NPAS3: variants seen among roughly 807,000 people sequenced by gnomAD.
NPAS3 encodes the protein neuronal PAS domain protein 3.
NPAS3 carries 14 observed loss-of-function variants against 73.1 expected under a neutral mutation model. The observed-to-expected ratio is 0.19, with a 90% CI of 0.13 to 0.30. The LOEUF (loss-of-function observed/expected upper bound fraction) is 0.30. Ranked by LOEUF, NPAS3 falls within the 10% of genes least tolerant of loss-of-function variation. The pLI is 1.00. For synonymous variants in NPAS3, 620 were observed against 541.5 expected (o/e 1.14, Z -2.01); for missense variants, 1,096 against 1,250.0 (o/e 0.88, Z 1.86).
intron 2 of NPAS3, among the ~76,000 whole-genome samples, chr14:33,091,439 G>A (rs1463017754): frequency 6.6e-6 from 1 of 152,138 alleles, no homozygotes; most frequent in African/African-American, 2.4e-5. Flanking sequence ...GACTAAACCA[G>A]GAAGAAGTTG....
At chr14:33,774,800 G>A (rs948822656) in intron 8 of NPAS3, among the ~76,000 whole-genome samples, 3 of 152,172 alleles carry the variant, frequency 2.0e-5, no homozygotes, top group African/African-American at 7.2e-5. Flanking sequence ...GAGAACCCAA[G>A]GAGAGAGCAG....
chr14:33,299,787 T>G (rs2042454663), intron 3 of NPAS3, among the ~76,000 whole-genome samples: 1 of 152,176 alleles, frequency 6.6e-6, no homozygotes, highest in Admixed American at 6.5e-5. Flanking sequence ...GAAATAACAT[T>G]AAGGTTTAGA....
At chr14:33,722,431 T>TC (rs1198880326) in intron 6 of NPAS3, among the ~76,000 whole-genome samples, 1 of 152,166 alleles carries the variant, frequency 6.6e-6, no homozygotes, top group Non-Finnish European at 1.5e-5. Flanking sequence ...TGCTTTTTTA[T>TC]CCCCTCCACT....
At chr14:33,625,538 T>G (rs558227142) in intron 5 of NPAS3, among the ~76,000 whole-genome samples, 1 of 152,198 alleles carries the variant, frequency 6.6e-6, no homozygotes, top group Admixed American at 6.5e-5. Flanking sequence ...AACAACTATA[T>G]GCAGTAGAGG....
At chr14:33,307,279 C>T (rs1259439331) in intron 3 of NPAS3, among the ~76,000 whole-genome samples, 1 of 152,114 alleles carries the variant, frequency 6.6e-6, no homozygotes, top group African/African-American at 2.4e-5. Context: ...TAACATTTGT[C>T]CTCTTTGCCA....
At chr14:33,108,081 T>C (rs935145227) in intron 2 of NPAS3, among the ~76,000 whole-genome samples, 1 of 152,170 alleles carries the variant, frequency 6.6e-6, no homozygotes, top group African/African-American at 2.4e-5. Flanking sequence ...GCTACTAGTT[T>C]TGTGTTACTG....
At chr14:33,071,348 C>T (rs573678185) in intron 2 of NPAS3, among the ~76,000 whole-genome samples, 11 of 152,284 alleles carry the variant, frequency 7.2e-5, no homozygotes, top group East Asian at 1.9e-4. Flanking sequence ...AACATGATTA[C>T]GCTGCTTATG....
At chr14:33,134,364 G>A (rs138333738) in intron 2 of NPAS3, among the ~76,000 whole-genome samples, 3 of 152,134 alleles carry the variant, frequency 2.0e-5, no homozygotes, top group East Asian at 1.9e-4. Flanking sequence ...CACTGTCAAC[G>A]GCGCTATCAT....
At chr14:33,005,085 C>T (rs1451508992) in intron 1 of NPAS3, among the ~76,000 whole-genome samples, 2 of 151,914 alleles carry the variant, frequency 1.3e-5, no homozygotes. Flanking sequence ...AGACGGAGTA[C>T]ACTCTAAAAT....
intron 2 of NPAS3, among the ~76,000 whole-genome samples, chr14:33,159,934 G>A (rs17100281): frequency 0.061 from 9,286 of 152,172 alleles, 292 homozygotes; most frequent in South Asian, 0.087. Flanking sequence ...GACTGTGCTG[G>A]CTTATGATTT....
At chr14:33,355,577 C>T (rs2045302538) in intron 3 of NPAS3, among the ~76,000 whole-genome samples, 1 of 152,168 alleles carries the variant, frequency 6.6e-6, no homozygotes, top group Non-Finnish European at 1.5e-5. Flanking sequence ...AGGTTCCAGG[C>T]GTGAGCCACT....
intron 2 of NPAS3, among the ~76,000 whole-genome samples, chr14:33,108,205 T>C (rs1203052019): frequency 6.6e-6 from 1 of 151,528 alleles, no homozygotes; most frequent in African/African-American, 2.4e-5. Flanking sequence ...ATTTTTTTTT[T>C]TTTTTTGAGA....
intron 6 of NPAS3, among the ~76,000 whole-genome samples, chr14:33,693,856 C>A (rs1022178533): frequency 6.6e-6 from 1 of 152,168 alleles, no homozygotes; most frequent in Non-Finnish European, 1.5e-5. Flanking sequence ...CAAGTTGTTA[C>A]ATTTATTCAA....
intron 4 of NPAS3, among the ~76,000 whole-genome samples, chr14:33,518,941 A>G (rs1349403079): frequency 1.3e-5 from 2 of 152,160 alleles, no homozygotes; most frequent in Non-Finnish European, 2.9e-5. Context: ...TTTTTAATAA[A>G]TAAAGGAATG....
chr14:33,520,532 A>G (rs2053510031), intron 4 of NPAS3, among the ~76,000 whole-genome samples: 1 of 152,114 alleles, frequency 6.6e-6, no homozygotes, highest in Non-Finnish European at 1.5e-5. Context: ...AAGTTCTGTC[A>G]GATGATGTTG....
At chr14:32,966,353 C>T (rs912077903) in intron 1 of NPAS3, among the ~76,000 whole-genome samples, 5 of 152,110 alleles carry the variant, frequency 3.3e-5, no homozygotes, top group Admixed American at 6.6e-5. Flanking sequence ...AAAACAGACA[C>T]ATAGACCAAT....
chr14:32,979,981 A>G (rs2037833948), intron 1 of NPAS3, among the ~76,000 whole-genome samples: 2 of 152,338 alleles, frequency 1.3e-5, no homozygotes, highest in South Asian at 4.1e-4. Flanking sequence ...TGCGAAGAAA[A>G]GAAATGACAT....
At chr14:33,402,850 T>G (rs1240857360) in intron 4 of NPAS3, among the ~76,000 whole-genome samples, 1 of 152,146 alleles carries the variant, frequency 6.6e-6, no homozygotes, top group Admixed American at 6.5e-5. Flanking sequence ...GCACTGTTTT[T>G]CTGACAAGGA....
chr14:33,690,206 G>A (rs1022366239), intron 6 of NPAS3, among the ~76,000 whole-genome samples: 5 of 152,152 alleles, frequency 3.3e-5, no homozygotes, highest in African/African-American at 1.2e-4. Context: ...TGGTGTGGCG[G>A]TACTCGGTAT....
Sources: gnomAD v4.1 joint callset for allele counts (sites outside exome capture counted in the v4.1 genomes callset) on GRCh38, gnomAD v4.1.1 for gene constraint, MANE v1.5 for transcripts, NCBI Gene and HGNC (gene_info 2026-07-23, HGNC 2026-07-21) for gene names.